The following METAP1 variants were observed in gnomAD, a reference collection of about 807,000 sequenced individuals.
METAP1 encodes methionine aminopeptidase 1.
In METAP1, 28 loss-of-function variants were observed where a neutral mutation model predicts 53.8. The ratio of observed to expected loss-of-function variants is 0.52; its 90% confidence interval spans 0.39 to 0.71. METAP1 has a LOEUF of 0.71. Among genes scored for constraint, METAP1 ranks in the 30% least tolerant of loss-of-function variants. The pLI, the probability that METAP1 is intolerant of heterozygous loss-of-function variation, is 0.00. For missense variants in METAP1, 389 were observed against 479.8 expected (o/e 0.81, Z 1.77); for synonymous variants, 181 against 165.7 (o/e 1.09, Z -0.71).
chr4:99,005,899 T>A, intron 1 of METAP1: 1 of 268,662 alleles, frequency 3.7e-6, no homozygotes, highest in Non-Finnish European at 7.5e-6. Context: ...AGTGGTATAA[T>A]GGACTTTGGA....
intron 7 of METAP1, 123 bp downstream of exon 7, chr4:99,043,510 C>T (rs1413016259): frequency 6.1e-6 from 6 of 978,492 alleles, no homozygotes; most frequent in Non-Finnish European, 7.5e-6. Flanking sequence ...TTTTAAAATT[C>T]AGTATCACTA....
At chr4:99,048,944 A>G (rs962381791) in intron 9 of METAP1, 68 bp downstream of exon 9, 51 of 1,512,254 alleles carry the variant, frequency 3.4e-5, no homozygotes, top group Non-Finnish European at 4.5e-5. Flanking sequence ...CATACATTTA[A>G]CAGTACCTAC....
chr4:99,047,725 C>T (rs909798913), intron 8 of METAP1, among the ~76,000 whole-genome samples: 2 of 152,166 alleles, frequency 1.3e-5, no homozygotes, highest in African/African-American at 4.8e-5. Flanking sequence ...CCAGAGCCAT[C>T]TTGAGGTTCT....
intron 9 of METAP1, among the ~76,000 whole-genome samples, chr4:99,056,770 C>T (rs1727158506): frequency 6.6e-6 from 1 of 152,186 alleles, no homozygotes; most frequent in African/African-American, 2.4e-5. Context: ...AGGGTTTCAC[C>T]ATGTTGGCCA....
chr4:99,032,216 T>TTTTTG (rs1245065169), intron 2 of METAP1, among the ~76,000 whole-genome samples: 8 of 152,080 alleles, frequency 5.3e-5, no homozygotes, highest in East Asian at 1.9e-4. Flanking sequence ...ATTCGTTTTT[T>TTTTTG]TTTTGTTTTG....
chr4:99,037,226 T>C (rs1242326055), intron 4 of METAP1, among the ~76,000 whole-genome samples: 1 of 151,934 alleles, frequency 6.6e-6, no homozygotes, highest in Non-Finnish European at 1.5e-5. Context: ...AATAACCTTT[T>C]GATGTATGTT....
At chr4:99,030,802 A>G (rs1055757536) in intron 2 of METAP1, among the ~76,000 whole-genome samples, 1 of 150,390 alleles carries the variant, frequency 6.6e-6, no homozygotes, top group African/African-American at 2.4e-5. Context: ...TTTTAAGTAT[A>G]GTGTCTACTG....
At chr4:99,056,988 C>G (rs987474379) in intron 9 of METAP1, among the ~76,000 whole-genome samples, 2 of 152,120 alleles carry the variant, frequency 1.3e-5, no homozygotes, top group Admixed American at 1.3e-4. Flanking sequence ...GCTTCAGCCT[C>G]TTGAGTAGCT....
chr4:99,033,904 G>A (rs1173892386), intron 2 of METAP1, among the ~76,000 whole-genome samples: 1 of 152,108 alleles, frequency 6.6e-6, no homozygotes, highest in African/African-American at 2.4e-5. Context: ...AATTGATGTG[G>A]TCAGAATACA....
chr4:99,002,247 A>G (rs1055358586), intron 1 of METAP1, among the ~76,000 whole-genome samples: 3 of 152,218 alleles, frequency 2.0e-5, no homozygotes, highest in African/African-American at 7.2e-5. Flanking sequence ...CTCCTTCTGT[A>G]ATTGTCTTTG....
chr4:99,043,182 T>A, intron 6 of METAP1, 67 bp from the exon 7 acceptor site: 1 of 1,272,346 alleles, frequency 7.9e-7, no homozygotes, highest in East Asian at 2.5e-5. Context: ...TTTTCAAATT[T>A]TAAAATCTGT....
intron 1 of METAP1, among the ~76,000 whole-genome samples, chr4:98,999,081 A>G (rs1323173910): frequency 1.3e-5 from 2 of 152,182 alleles, no homozygotes; most frequent in Non-Finnish European, 1.5e-5. Flanking sequence ...TGCTGGGATT[A>G]CAGGCGTGAG....
At chr4:99,043,105 T>C (rs1725995025) in intron 6 of METAP1, 144 bp from the exon 7 acceptor site, 2 of 639,286 alleles carry the variant, frequency 3.1e-6, no homozygotes, top group South Asian at 4.3e-5. Flanking sequence ...TAAGATAATA[T>C]CCAGTACTGT....
intron 1 of METAP1, chr4:99,026,182 T>G (rs1029441322): frequency 2.1e-6 from 2 of 958,652 alleles, no homozygotes; most frequent in Non-Finnish European, 1.2e-6. Flanking sequence ...GAGACCTGTC[T>G]CAGATATTTT....
At chr4:99,010,670 A>G (rs1427620096) in intron 1 of METAP1, among the ~76,000 whole-genome samples, 1 of 152,144 alleles carries the variant, frequency 6.6e-6, no homozygotes, top group African/African-American at 2.4e-5. Context: ...TTGAGATTTC[A>G]TATGAATTTT....
chr4:99,058,181 C>T (rs959104773), intron 10 of METAP1, among the ~76,000 whole-genome samples: 1 of 152,132 alleles, frequency 6.6e-6, no homozygotes, highest in Non-Finnish European at 1.5e-5. Context: ...ATTGACGAGC[C>T]ACCCAGTTCG....
At chr4:99,025,336 T>G (rs1382558086) in intron 1 of METAP1, 1 of 972,922 alleles carries the variant, frequency 1.0e-6, no homozygotes, top group Admixed American at 6.2e-5. Context: ...CTTTCACTGT[T>G]TGAGTTATAA....
intron 8 of METAP1, among the ~76,000 whole-genome samples, chr4:99,047,455 A>C: frequency 6.6e-6 from 1 of 151,944 alleles, no homozygotes. Context: ...TCCCCCTCCC[A>C]CCCCAGGCTG....
chr4:99,003,068 A>AAAACAAAC (rs34388482), intron 1 of METAP1, among the ~76,000 whole-genome samples: 28 of 151,524 alleles, frequency 1.8e-4, no homozygotes, highest in Non-Finnish European at 2.9e-4. Flanking sequence ...GACTGTCTCA[A>AAAACAAAC]AAACAAACAA....
Sources: gnomAD v4.1 joint callset for allele counts (sites outside exome capture counted in the v4.1 genomes callset) on GRCh38, gnomAD v4.1.1 for gene constraint, MANE v1.5 for transcripts, NCBI Gene and HGNC (gene_info 2026-07-23, HGNC 2026-07-21) for gene names.